The following IRX3 variants were observed in gnomAD, a reference collection of about 807,000 sequenced individuals.
IRX3 encodes iroquois homeobox 3, also known as iroquois-class homeodomain protein IRX-3.
In IRX3, 20 loss-of-function variants were observed where a neutral mutation model predicts 36.4. The observed-to-expected ratio is 0.55, with a 90% CI of 0.39 to 0.80. The LOEUF (loss-of-function observed/expected upper bound fraction) is 0.80, where lower values mean the gene tolerates loss of function less well. Ranked by LOEUF, IRX3 falls within the 30% of genes least tolerant of loss-of-function variation. The pLI is 0.00. For missense variants in IRX3, 718 were observed against 733.2 expected (o/e 0.98, Z 0.24); for synonymous variants, 404 against 351.6 (o/e 1.15, Z -1.67).
Position 54,283,903 on chromosome 16 carries a change from G to A in IRX3, c.1452-163C>T, listed in dbSNP as rs540504705. On this transcript the variant is annotated intron_variant, in intron 3 of 3. Transcript: ENST00000329734. The surrounding 1 kb of genome is among the most constrained non-coding windows in gnomAD (Gnocchi z 4.4). ...GTGTGTGTTGGGGTTTAACTGTAGG[G>A]TGGGCACGAGGCGTCAGGACCCGAG... The A allele has an allele frequency of 1.8e-4, 181 of 985,390 alleles. 1 individual carries two copies. The African/African-American group carries it at 2.5e-3, about 14-fold the overall frequency. The allele number at this position is 985,390 out of a possible 1,614,324, so 61.0% of individuals were successfully genotyped here.
chr16:54,286,191 T>C lies in IRX3; in HGVS notation c.-141A>G. The C allele has an allele frequency of 9.7e-7, 1 of 1,031,184 alleles. No homozygotes were observed. Among genetic ancestry groups the C allele is most frequent in the Non-Finnish European group, 1.2e-6 (1 of 859,250 alleles). 63.9% of individuals were successfully genotyped at this position (1,031,184 alleles called of 1,614,324 possible). On this transcript the variant is annotated 5_prime_UTR_variant, in exon 1 of 4. Transcript: ENST00000329734. ...CGCCCGCGCTGCGCTGTGCTCCGCG[T>C]TCGCCTATTGATCTGCTCCGCGGCG...
Position 54,285,216 on chromosome 16 carries a change from CCGTCCTCCT to C in IRX3, c.656_664del (p.Glu219_Asp221del). The C allele has an allele frequency of 2.5e-6, 4 of 1,606,840 alleles. No individual in the cohort carries two copies. Among genetic ancestry groups the C allele is most frequent in the Non-Finnish European group, 3.4e-6 (4 of 1,176,816 alleles). On this transcript the variant is annotated inframe_deletion, in exon 2 of 4. Coordinates refer to ENST00000329734, the MANE Select transcript of IRX3 (RefSeq NM_024336.3). This position sits in a 1 kb window ranked among gnomAD's most constrained non-coding sequence, Gnocchi z 5.7. ...CTCCTCCAGCTCTAGCTCGCGTTTG[CCGTCCTCCT>C]CGTCCTCCTCTTCGTCTTCCTCCTC...
At position 54,286,168 on chromosome 16, in the gene IRX3, C is replaced by G. The variant is rs1901335745; in HGVS notation, c.-118G>C. The G allele has an allele frequency of 1.9e-6, 2 of 1,054,384 alleles. No homozygotes were observed. The highest frequency in any genetic ancestry group is 4.4e-5 in the South Asian group (1 of 22,502). The allele number at this position is 1,054,384 out of a possible 1,614,324, so 65.3% of individuals were successfully genotyped here. The stretch of plus-strand genomic sequence containing the variant: ...GGCCGGGCTTGGGGCCGCGCTGCCG[C>G]CCGCGCTGCGCTGTGCTCCGCGTTC... On this transcript the variant is annotated 5_prime_UTR_variant, in exon 1 of 4. Transcript: ENST00000329734.
chr16:54,283,878 G>T lies in IRX3; in HGVS notation c.1452-138C>A, dbSNP rs1218782644. 1.3e-6 allele frequency: 2 copies of T among 1,515,924 alleles called. No individual in the cohort carries two copies. Among genetic ancestry groups the T allele is most frequent in the Admixed American group, 2.2e-5 (1 of 44,878 alleles). The allele number at this position is 1,515,924 out of a possible 1,614,324, so 93.9% of individuals were successfully genotyped here. A position where few individuals can be genotyped will look rare whatever the true frequency, so the allele number is the denominator to read the frequency against. On this transcript the variant is annotated intron_variant, in intron 3 of 3. Transcript: ENST00000329734. The surrounding 1 kb of genome is among the most constrained non-coding windows in gnomAD (Gnocchi z 4.4). ...TGTAAAATTATGTCCAGTTGTAGAT[G>T]TGTGTGTTGGGGTTTAACTGTAGGG... is the stretch of plus-strand genomic sequence containing the variant.
chr16:54,285,078 A>C lies in IRX3; in HGVS notation c.803T>G (p.Leu268Arg). 6.2e-7 allele frequency: 1 copy of C among 1,613,512 alleles called. No individual in the cohort carries two copies. The highest frequency in any genetic ancestry group is 8.5e-7 in the Non-Finnish European group (1 of 1,179,844). The change falls in exon 2 of 4, where the codon CTG (leucine) becomes CGG (arginine). Residue 268 changes from leucine to arginine, a missense_variant. Leu to Arg is a moderately radical substitution (Grantham distance 102, BLOSUM62 -2). This residue lies in a region of IRX3 where 468 missense variants were observed against 462.1 expected (regional missense o/e 1.01). Coordinates refer to ENST00000329734, the MANE Select transcript of IRX3 (RefSeq NM_024336.3). The surrounding 1 kb of genome is among the most constrained non-coding windows in gnomAD (Gnocchi z 5.7). Reference sequence around the variant, plus strand: ...CCTGCGCGCCGCCCCAGCCAGGGACAGCTCAGGCTCGGTGGCCGCGCCGTC... The same window carrying C: ...CCTGCGCGCCGCCCCAGCCAGGGACCGCTCAGGCTCGGTGGCCGCGCCGTC... ...NLDGAATEPE[L>R]SLAGAARRDG...
Position 54,284,221 on chromosome 16 carries a change from G to C in IRX3, c.1451+25C>G, listed in dbSNP as rs909386029. 3.7e-6 allele frequency: 6 copies of C among 1,601,594 alleles called. No homozygotes were observed. The Admixed American group carries it at 5.1e-5, about 13-fold the overall frequency. On this transcript the variant is annotated intron_variant, in intron 3 of 3. Transcript: ENST00000329734. This position sits in a 1 kb window ranked among gnomAD's most constrained non-coding sequence, Gnocchi z 4.0. ...CTTTCCCCGCCAGCCAGTCCCCCTG[G>C]CCCCTCAACCTCGGGGTTTCTTACC... is the stretch of plus-strand genomic sequence containing the variant.
In IRX3 at chr16:54,285,398, G is replaced by T. The variant is rs762016947; in HGVS notation, c.483C>A (p.Ile161=). 1 of 1,614,066 alleles carries T rather than the reference G, an allele frequency of 6.2e-7. No individual in the cohort carries two copies. The highest frequency in any genetic ancestry group is 8.5e-7 in the Non-Finnish European group (1 of 1,180,054). ...KNPYPTKGEK[I]MLAIITKMTL... ...TCATCTTGGTGATGATGGCCAGCAT[G>T]ATCTTCTCGCCCTTGGTGGGGTAGG... is the stretch of plus-strand genomic sequence containing the variant. Residue 161 remains isoleucine (I), a synonymous_variant, in exon 2 of 4, where the codon ATC becomes ATA. Coordinates refer to ENST00000329734, the MANE Select transcript of IRX3 (RefSeq NM_024336.3). The surrounding 1 kb of genome is among the most constrained non-coding windows in gnomAD (Gnocchi z 5.7).
Position 54,283,929 on chromosome 16 carries a change from G to T in IRX3, c.1452-189C>A. The T allele has an allele frequency of 1.0e-6, 1 of 985,432 alleles. No homozygotes were observed. The highest frequency in any genetic ancestry group is 1.2e-6 in the Non-Finnish European group (1 of 829,916). The allele number at this position is 985,432 out of a possible 1,614,324, so 61.0% of individuals were successfully genotyped here. On this transcript the variant is annotated intron_variant, in intron 3 of 3. Transcript: ENST00000329734. This position sits in a 1 kb window ranked among gnomAD's most constrained non-coding sequence, Gnocchi z 4.4. ...TGGGCACGAGGCGTCAGGACCCGAGGTCTGGGGCTGGAAAGAGGTGGGCGT... is the reference window on the plus strand; with the variant it reads ...TGGGCACGAGGCGTCAGGACCCGAGTTCTGGGGCTGGAAAGAGGTGGGCGT...
rs913879357 is a variant in IRX3 at position 54,284,754 on chromosome 16, G to A, written c.1127C>T (p.Ala376Val). The stretch of plus-strand genomic sequence containing the variant: ...CTGCAGGGCGGAAGGCGCGACCGCT[G>A]CCCCCGGTGGAGACCCCCCCGCGCC... ...PPGAGGSPPGAAVAPSALQLS... is the reference protein window; with the variant it reads ...PPGAGGSPPGVAVAPSALQLS... The change falls in exon 2 of 4, where the codon GCA becomes GTA. Residue 376 changes from alanine to valine, a missense_variant. Transcript: ENST00000329734. This position sits in a 1 kb window ranked among gnomAD's most constrained non-coding sequence, Gnocchi z 4.0. 2.5e-5 allele frequency: 36 copies of A among 1,455,536 alleles called. No homozygotes were observed. Among genetic ancestry groups the A allele is most frequent in the Non-Finnish European group, 3.0e-5 (33 of 1,116,960 alleles). 90.2% of individuals were successfully genotyped at this position (1,455,536 alleles called of 1,614,324 possible).
chr16:54,285,134 G>C lies in IRX3; in HGVS notation c.747C>G (p.Asp249Glu), dbSNP rs199931909. Residue 249 changes from aspartate (D) to glutamate (E), a missense_variant, in exon 2 of 4, where the codon GAC (aspartate) becomes GAG (glutamate). Around this residue, in one of 3 missense-constraint regions of IRX3, gnomAD observed 468 missense variants for 462.1 expected, o/e 1.01. Transcript: ENST00000329734. This position sits in a 1 kb window ranked among gnomAD's most constrained non-coding sequence, Gnocchi z 5.7. ...TCTCCAAATCGATCTCCTCGTCCTC[G>C]TCGTCGTCAGCCAGGCCCTCGCCCC... ...DTGGEGLADD[D>E]EDEEIDLENL... The C allele has an allele frequency of 7.4e-6, 12 of 1,612,008 alleles. No individual in the cohort carries two copies. The East Asian group carries it at 1.8e-4, about 24-fold the overall frequency.
rs761117558 is a variant in IRX3, at chr16:54,285,058, G to C, written c.823C>G (p.Arg275Gly). ...CCCAGGCCTAGGTCGCCATCCCTGCGCGCCGCCCCAGCCAGGGACAGCTCA... is the reference window on the plus strand; with the variant it reads ...CCCAGGCCTAGGTCGCCATCCCTGCCCGCCGCCCCAGCCAGGGACAGCTCA... Reference protein sequence around the residue: ...EPELSLAGAARRDGDLGLGPI... With the variant: ...EPELSLAGAAGRDGDLGLGPI... The change falls in exon 2 of 4, where the codon CGC becomes GGC. Residue 275 changes from arginine to glycine, a missense_variant. Physicochemically the swap from Arg to Gly is moderately radical, Grantham distance 125. Around this residue, in one of 3 missense-constraint regions of IRX3, gnomAD observed 468 missense variants for 462.1 expected, o/e 1.01. Coordinates refer to ENST00000329734, the MANE Select transcript of IRX3 (RefSeq NM_024336.3). The surrounding 1 kb of genome is among the most constrained non-coding windows in gnomAD (Gnocchi z 5.7). 1.2e-6 allele frequency: 2 copies of C among 1,613,860 alleles called. No individual in the cohort carries two copies. The highest frequency in any genetic ancestry group is 3.3e-5 in the Admixed American group (2 of 60,002).
chr16:54,283,546 A>G lies in IRX3; in HGVS notation c.*140T>C, dbSNP rs1487624171. ...AGGACTGGTTTTATTTCTTTTTCTT[A>G]CTTTCTTTGTTTAGTTTTGCTTTTA... On this transcript the variant is annotated 3_prime_UTR_variant, in exon 4 of 4. Coordinates refer to ENST00000329734, the MANE Select transcript of IRX3 (RefSeq NM_024336.3). This position sits in a 1 kb window ranked among gnomAD's most constrained non-coding sequence, Gnocchi z 4.4. 8 of 571,336 alleles carry G rather than the reference A, an allele frequency of 1.4e-5. No homozygotes were observed. The highest frequency in any genetic ancestry group is 2.6e-5 in the Non-Finnish European group (8 of 313,472). 35.4% of individuals were successfully genotyped at this position (571,336 alleles called of 1,614,324 possible).
Position 54,284,915 on chromosome 16 carries a change from C to T in IRX3, c.966G>A (p.Pro322=), listed in dbSNP as rs1375783042. The change falls in exon 2 of 4, where the codon CCG becomes CCA. Residue 322 remains proline (P), a synonymous_variant. Transcript: ENST00000329734. The surrounding 1 kb of genome is among the most constrained non-coding windows in gnomAD (Gnocchi z 4.0). The part of the protein sequence containing the change: ...PAPPPVAVAS[P]SLPSPPVSLD... ...GGCTCACGGGGGGCGACGGCAGAGA[C>T]GGCGAGGCCACGGCCACTGGTGGTG... 6.3e-7 allele frequency: 1 copy of T among 1,586,590 alleles called. No homozygotes were observed. The highest frequency in any genetic ancestry group is 8.6e-7 in the Non-Finnish European group (1 of 1,167,338).
rs1901259244 is a variant in IRX3, at chr16:54,284,415, C to T, written c.1384+82G>A. 2.1e-6 allele frequency: 3 copies of T among 1,434,282 alleles called. No individual in the cohort carries two copies. The African/African-American group carries it at 4.5e-5, about 22-fold the overall frequency. 88.8% of individuals were successfully genotyped at this position (1,434,282 alleles called of 1,614,324 possible). A position where few individuals can be genotyped will look rare whatever the true frequency, so the allele number is the denominator to read the frequency against. On this transcript the variant is annotated intron_variant, in intron 2 of 3. Coordinates refer to ENST00000329734, the MANE Select transcript of IRX3 (RefSeq NM_024336.3). This position sits in a 1 kb window ranked among gnomAD's most constrained non-coding sequence, Gnocchi z 4.0. ...TGGAGAGGGACGCGCGCCCTGCGCC[C>T]CCCGGGCCCTGCCCCTCCCGGCCAG... is the stretch of plus-strand genomic sequence containing the variant.
Position 54,284,086 on chromosome 16 carries a change from G to A in IRX3, c.1451+160C>T. On this transcript the variant is annotated intron_variant, in intron 3 of 3. Transcript: ENST00000329734. This position sits in a 1 kb window ranked among gnomAD's most constrained non-coding sequence, Gnocchi z 4.0. ...GGACCTGGAGAGCTGTCGCAGGGCC[G>A]ACAGGGGCGACTGAAAAAGTGACTT... 5 of 1,109,834 alleles carry A rather than the reference G, an allele frequency of 4.5e-6. No homozygotes were observed. The highest frequency in any genetic ancestry group is 6.3e-6 in the Non-Finnish European group (5 of 796,686). The allele number at this position is 1,109,834 out of a possible 1,614,324, so 68.7% of individuals were successfully genotyped here. A position where few individuals can be genotyped will look rare whatever the true frequency, so the allele number is the denominator to read the frequency against.
Position 54,284,676 on chromosome 16 carries a change from A to C in IRX3, c.1205T>G (p.Leu402Arg). 1 of 1,401,038 alleles carries C rather than the reference A, an allele frequency of 7.1e-7. No individual in the cohort carries two copies. The allele number at this position is 1,401,038 out of a possible 1,614,324, so 86.8% of individuals were successfully genotyped here. Residue 402 changes from leucine (L) to arginine (R), a missense_variant, in exon 2 of 4, where the codon CTG becomes CGG. By Grantham distance (102) the Leu-to-Arg change is moderately radical (BLOSUM62 -2). This residue lies in a region of IRX3 where 468 missense variants were observed against 462.1 expected (regional missense o/e 1.01). Transcript: ENST00000329734. The surrounding 1 kb of genome is among the most constrained non-coding windows in gnomAD (Gnocchi z 4.0). ...GTTGGTCCAAGCCGGGAACTTGCCC[A>C]GCGGCGCTGAGACCAGTCTGTGAGC... ...AAAHRLVSAP[L>R]GKFPAWTNRP...
Position 54,285,277 on chromosome 16 carries a change from C to A in IRX3, c.604G>T (p.Glu202Ter). 6.2e-7 allele frequency: 1 copy of A among 1,614,128 alleles called. No individual in the cohort carries two copies. Among genetic ancestry groups the A allele is most frequent in the Non-Finnish European group, 8.5e-7 (1 of 1,180,034 alleles). ...TWAPRSRTDE[E>*]GNAYGSEREE... ...CGCTCGCTCCCATAAGCGTTTCCCT[C>A]CTCGTCAGTGCGGCTGCGAGGCGCC... Residue 202 changes from glutamate (E) to a stop codon, truncating the protein, a stop_gained, in exon 2 of 4, where the codon GAG becomes TAG. Coordinates refer to ENST00000329734, the MANE Select transcript of IRX3 (RefSeq NM_024336.3). LOFTEE classifies it high-confidence loss of function. This position sits in a 1 kb window ranked among gnomAD's most constrained non-coding sequence, Gnocchi z 5.7.
Position 54,285,278 on chromosome 16 carries a change from C to T in IRX3, c.603G>A (p.Glu201=), listed in dbSNP as rs1251178666. Residue 201 remains glutamate (E), a synonymous_variant, in exon 2 of 4, where the codon GAG becomes GAA. Coordinates refer to ENST00000329734, the MANE Select transcript of IRX3 (RefSeq NM_024336.3). The surrounding 1 kb of genome is among the most constrained non-coding windows in gnomAD (Gnocchi z 5.7). ...GCTCGCTCCCATAAGCGTTTCCCTC[C>T]TCGTCAGTGCGGCTGCGAGGCGCCC... ...MTWAPRSRTD[E]EGNAYGSERE... is the part of the protein sequence containing the mutation. 6.2e-7 allele frequency: 1 copy of T among 1,614,138 alleles called. No individual in the cohort carries two copies. Among genetic ancestry groups the T allele is most frequent in the African/African-American group, 1.3e-5 (1 of 75,042 alleles).
chr16:54,284,699 A>G lies in IRX3; in HGVS notation c.1182T>C (p.Ala394=), dbSNP rs1474801758. ...CCAGCGGCGCTGAGACCAGTCTGTGAGCGGCGGCGGCGGCGGCGGCCGGAG... is the reference window on the plus strand; with the variant it reads ...CCAGCGGCGCTGAGACCAGTCTGTGGGCGGCGGCGGCGGCGGCGGCCGGAG... ...QLSPAAAAAA[A]HRLVSAPLGK... is the part of the protein sequence containing the mutation. Residue 394 remains alanine, a synonymous_variant, in exon 2 of 4, where the codon GCT becomes GCC. Transcript: ENST00000329734. This position sits in a 1 kb window ranked among gnomAD's most constrained non-coding sequence, Gnocchi z 4.0. 7.0e-6 allele frequency: 10 copies of G among 1,423,046 alleles called. No homozygotes were observed. The highest frequency in any genetic ancestry group is 2.3e-4 in the Middle Eastern group (1 of 4,370). 88.2% of individuals were successfully genotyped at this position (1,423,046 alleles called of 1,614,324 possible).
Sources: gnomAD v4.1 joint callset for allele counts on GRCh38, gnomAD v4.1.1 for gene constraint, gnomAD v4.1.1 regional missense constraint, Gnocchi (gnomAD v3.1) non-coding constraint, MANE v1.5 for transcripts, NCBI Gene and HGNC (gene_info 2026-07-23, HGNC 2026-07-21) for gene names.